Variants in USP16 observed in about 807,000 individuals in gnomAD.
USP16 encodes the protein ubiquitin specific peptidase 16, also known as ubiquitin carboxyl-terminal hydrolase 16.
In USP16, 77 loss-of-function variants were observed where a neutral mutation model predicts 95.9. The observed-to-expected ratio is 0.80, with a 90% CI of 0.67 to 0.97. The LOEUF is 0.97. USP16 is among the 50% of genes least tolerant of loss of function. The pLI, the probability that USP16 is intolerant of heterozygous loss-of-function variation, is 0.00. For synonymous variants in USP16, 303 were observed against 318.2 expected, an observed-to-expected ratio of 0.95 and a Z score of 0.51; for missense variants, 943 against 959.9, an observed-to-expected ratio of 0.98 and a Z score of 0.23.
Position 29,024,674 on chromosome 21 carries a change from G to C in USP16, c.-145G>C. Reference sequence around the variant, plus strand: ...TTATTGCTTTCCAGGGGTCACTCTGGCTTCGACTCCGTCGCTCTCAATTCG... The same window carrying C: ...TTATTGCTTTCCAGGGGTCACTCTGCCTTCGACTCCGTCGCTCTCAATTCG... On this transcript the variant is annotated 5_prime_UTR_variant, in exon 1 of 18. Transcript: ENST00000399976. The C allele has an allele frequency of 7.8e-7, 1 of 1,284,288 alleles. No homozygotes were observed. The highest frequency in any genetic ancestry group is 1.0e-6 in the Non-Finnish European group (1 of 984,280). The allele number at this position is 1,284,288 out of a possible 1,614,324, so 79.6% of individuals were successfully genotyped here. A position where few individuals can be genotyped will look rare whatever the true frequency, so the allele number is the denominator to read the frequency against.
chr21:29,041,674 C>T (rs968714378), intron 10 of USP16, among the ~76,000 whole-genome samples: 13 of 152,154 alleles, frequency 8.5e-5, no homozygotes, highest in Non-Finnish European at 1.9e-4. Context: ...ATTCAGCCTA[C>T]TCTGAGCTGT....
chr21:29,047,421 T>C, intron 14 of USP16, 100 bp downstream of exon 14: 4 of 1,273,734 alleles, frequency 3.1e-6, no homozygotes, highest in Non-Finnish European at 4.3e-6. Context: ...TTGGATGGCA[T>C]GAATAAGTGT....
At chr21:29,027,639 GA>G (rs1383928108) in intron 1 of USP16, among the ~76,000 whole-genome samples, 1 of 152,160 alleles carries the variant, frequency 6.6e-6, no homozygotes, top group African/African-American at 2.4e-5. Context: ...TACATATATT[GA>G]AAACCTCTTA....
In USP16 at chr21:29,044,716, G is replaced by T. The variant is rs7279398; in HGVS notation, c.1356+1117G>T. 8.8e-3 allele frequency among the ~76,000 whole-genome samples: 1,335 copies of T among 152,018 alleles called. 18 individuals are homozygous for T. Among genetic ancestry groups the T allele is most frequent in the African/African-American group, 0.031 (1,278 of 41,474 alleles). On this transcript the variant is annotated intron_variant, in intron 13 of 17. Coordinates refer to ENST00000399976, the MANE Select transcript of USP16 (RefSeq NM_006447.3). ...CCCACCTCAGCCTACCAAAGTGCTG[G>T]GATTACAGATGTGAGACACCGTGCC...
intron 16 of USP16, among the ~76,000 whole-genome samples, chr21:29,051,691 C>T (rs2085416583): frequency 1.3e-5 from 2 of 152,042 alleles, no homozygotes; most frequent in South Asian, 4.2e-4. Context: ...ATTAGCCAGG[C>T]ATGGTGGTGT....
intron 14 of USP16, 98 bp from the exon 15 acceptor site, chr21:29,048,663 C>A: frequency 1.1e-6 from 1 of 942,154 alleles, no homozygotes; most frequent in Non-Finnish European, 1.6e-6. Context: ...GTTTACTGAT[C>A]CTTGCTTTAG....
intron 5 of USP16, 24 bp downstream of exon 5, chr21:29,036,398 A>G (rs2146371876): frequency 3.1e-6 from 5 of 1,601,574 alleles, no homozygotes; most frequent in South Asian, 1.1e-5. Context: ...TTTCTTTAAT[A>G]TACACCAAAT....
chr21:29,050,380 C>T (rs2085396257), intron 16 of USP16, among the ~76,000 whole-genome samples: 1 of 152,124 alleles, frequency 6.6e-6, no homozygotes, highest in South Asian at 2.1e-4. Context: ...CGTTTGGAAT[C>T]CCCTTTATTA....
chr21:29,041,205 T>G (rs144907838), intron 10 of USP16, among the ~76,000 whole-genome samples: 1 of 152,150 alleles, frequency 6.6e-6, no homozygotes, highest in Non-Finnish European at 1.5e-5. Flanking sequence ...TAAATAGCCG[T>G]AAGTGACTAA....
chr21:29,048,092 TG>T (rs1601071933), intron 14 of USP16, among the ~76,000 whole-genome samples: 1 of 146,128 alleles, frequency 6.8e-6, no homozygotes, highest in African/African-American at 2.6e-5. Context: ...TGTGTGTGTG[TG>T]TGTGTTTTGA....
In USP16 at chr21:29,048,947, T is replaced by C. The variant is rs1160836698; in HGVS notation, c.2106+92T>C. On this transcript the variant is annotated intron_variant, in intron 15 of 17. Coordinates refer to ENST00000399976, the MANE Select transcript of USP16 (RefSeq NM_006447.3). Reference sequence around the variant, plus strand: ...TACTGTCTCAACATACTACTTTGTTTCTTTGGTTTTCTGTTGTTTCTTAAC... The same window carrying C: ...TACTGTCTCAACATACTACTTTGTTCCTTTGGTTTTCTGTTGTTTCTTAAC... 7 of 970,308 alleles carry C rather than the reference T, an allele frequency of 7.2e-6. No homozygotes were observed. The Admixed American group carries it at 1.7e-4, about 23-fold the overall frequency. The allele number at this position is 970,308 out of a possible 1,614,324, so 60.1% of individuals were successfully genotyped here.
chr21:29,025,138 T>G (rs1315075617), intron 1 of USP16, among the ~76,000 whole-genome samples: 1 of 152,176 alleles, frequency 6.6e-6, no homozygotes, highest in Non-Finnish European at 1.5e-5. Context: ...GCCGTGTTCA[T>G]ACGGCTGGTA....
At chr21:29,042,776 G>A (rs748138797) in intron 12 of USP16, 5 of 361,468 alleles carry the variant, frequency 1.4e-5, no homozygotes, top group African/African-American at 2.1e-5. Context: ...TTTCCATACA[G>A]TGAAGTATTT....
intron 4 of USP16, 68 bp from the exon 5 acceptor site, chr21:29,036,203 A>G: frequency 1.5e-6 from 2 of 1,311,188 alleles, no homozygotes; most frequent in Non-Finnish European, 1.1e-6. Context: ...GATTCCAGGA[A>G]TTATTATTTG....
chr21:29,026,368 A>G (rs1204852509), intron 1 of USP16, among the ~76,000 whole-genome samples: 1 of 151,420 alleles, frequency 6.6e-6, no homozygotes, highest in Admixed American at 6.6e-5. Flanking sequence ...AGGCAGGAGA[A>G]GCACTTGAAC....
chr21:29,026,198 C>G (rs577077178), intron 1 of USP16, among the ~76,000 whole-genome samples: 3 of 152,256 alleles, frequency 2.0e-5, no homozygotes, highest in Admixed American at 6.5e-5. Context: ...GTGGCTCACG[C>G]CTGTAATCCC....
intron 2 of USP16, among the ~76,000 whole-genome samples, chr21:29,030,259 T>C: frequency 6.6e-6 from 1 of 152,156 alleles, no homozygotes; most frequent in East Asian, 1.9e-4. Flanking sequence ...GGACGTTTTC[T>C]ACAAATCTTT....
chr21:29,052,350 C>T (rs1025393391), intron 16 of USP16: 2 of 152,346 alleles, frequency 1.3e-5, no homozygotes, highest in Admixed American at 1.3e-4. Context: ...TACAGTTCCA[C>T]ATGGCTGGGG....
intron 12 of USP16, 199 bp downstream of exon 12, chr21:29,042,727 A>G: frequency 4.0e-6 from 2 of 500,404 alleles, no homozygotes; most frequent in East Asian, 7.4e-5. Context: ...AAAAAAGATG[A>G]TGTATTCAGA....
Sources: gnomAD v4.1 joint callset for allele counts (sites outside exome capture counted in the v4.1 genomes callset) on GRCh38, gnomAD v4.1.1 for gene constraint, MANE v1.5 for transcripts, NCBI Gene and HGNC (gene_info 2026-07-23, HGNC 2026-07-21) for gene names.